IL17RC: variants seen among roughly 807,000 people sequenced by gnomAD.
The protein encoded by IL17RC is interleukin-17 receptor C.
IL17RC carries 53 observed loss-of-function variants against 86.7 expected under a neutral mutation model. The observed-to-expected ratio is 0.61, with a 90% CI of 0.49 to 0.77. IL17RC has a LOEUF of 0.77. IL17RC is among the 30% of genes least tolerant of loss of function. The pLI, the probability that IL17RC is intolerant of heterozygous loss-of-function variation, is 0.00. For synonymous variants in IL17RC, 439 were observed against 413.1 expected, an observed-to-expected ratio of 1.06 and a Z score of -0.76; for missense variants, 957 against 940.0, an observed-to-expected ratio of 1.02 and a Z score of -0.24.
intron 9 of IL17RC, among the ~76,000 whole-genome samples, chr3:9,927,008 C>T (rs148859140): frequency 6.6e-6 from 1 of 152,296 alleles, no homozygotes; most frequent in Non-Finnish European, 1.5e-5. Flanking sequence ...CCATAGGACA[C>T]AGCAGATGTT....
chr3:9,931,474 T>C (rs1476536763), intron 16 of IL17RC, among the ~76,000 whole-genome samples: 510 of 7,232 alleles, frequency 0.071, 1 homozygote, highest in Admixed American at 0.11. Context: ...CACACACATA[T>C]ATATATATAT....
At chr3:9,919,620 T>G (rs2083385467) in intron 5 of IL17RC, among the ~76,000 whole-genome samples, 1 of 152,112 alleles carries the variant, frequency 6.6e-6, no homozygotes, top group African/African-American at 2.4e-5. Flanking sequence ...CACTCCAGCC[T>G]GGGCGACAGA....
rs1250084850 is a variant in IL17RC at position 9,932,703 on chromosome 3, G to A, written c.1483G>A (p.Gly495Arg). The A allele has an allele frequency of 1.2e-6, 2 of 1,614,066 alleles. No homozygotes were observed. Among genetic ancestry groups the A allele is most frequent in the Non-Finnish European group, 1.7e-6 (2 of 1,180,012 alleles). The change falls in exon 17 of 19, where the codon GGG becomes AGG. Residue 495 changes from glycine to arginine, a missense_variant and splice_region_variant. Coordinates refer to ENST00000403601, the MANE Select transcript of IL17RC (RefSeq NM_153460.4). ...CCTTCTCAAAAAGGATCACGCGAAA[G>A]GTGAGCGCTTCCCGGCTCCCCATTC... ...ILLLKKDHAK[G>R]WLRLLKQDVR...
At chr3:9,931,093 G>A (rs2084611650) in intron 16 of IL17RC, 150 bp downstream of exon 16, 1 of 753,792 alleles carries the variant, frequency 1.3e-6, no homozygotes, top group African/African-American at 1.7e-5. Flanking sequence ...AAAAAATGAT[G>A]AGAGCTTGCA....
intron 3 of IL17RC, 32 bp downstream of exon 3, chr3:9,918,107 T>C (rs2125123064): frequency 5.2e-6 from 8 of 1,550,828 alleles, no homozygotes; most frequent in Non-Finnish European, 7.0e-6. Context: ...AGTGCATGTG[T>C]ACACGTGAGT....
At position 9,930,652 on chromosome 3, in the gene IL17RC, G is replaced by A; in HGVS notation, c.1338+193G>A. 2.9e-6 allele frequency: 2 copies of A among 685,358 alleles called. No individual in the cohort carries two copies. Among genetic ancestry groups the A allele is most frequent in the South Asian group, 3.8e-5 (2 of 53,298 alleles). 42.5% of individuals were successfully genotyped at this position (685,358 alleles called of 1,614,324 possible). A position where few individuals can be genotyped will look rare whatever the true frequency, so the allele number is the denominator to read the frequency against. On this transcript the variant is annotated intron_variant, in intron 15 of 18. Coordinates refer to ENST00000403601, the MANE Select transcript of IL17RC (RefSeq NM_153460.4). This position sits in a 1 kb window ranked among gnomAD's most constrained non-coding sequence, Gnocchi z 5.8. ...CATAAACAGATAACCACACCTACAGGTGCTAAGTTTTGGGTTCCAGGGAGA... is the reference window on the plus strand; with the variant it reads ...CATAAACAGATAACCACACCTACAGATGCTAAGTTTTGGGTTCCAGGGAGA...
In IL17RC at chr3:9,930,611, C is replaced by A; in HGVS notation, c.1338+152C>A. The A allele has an allele frequency of 1.3e-6, 1 of 790,490 alleles. No homozygotes were observed. Among genetic ancestry groups the A allele is most frequent in the South Asian group, 1.7e-5 (1 of 57,858 alleles). The allele number at this position is 790,490 out of a possible 1,614,324, so 49.0% of individuals were successfully genotyped here. On this transcript the variant is annotated intron_variant, in intron 15 of 18. Coordinates refer to ENST00000403601, the MANE Select transcript of IL17RC (RefSeq NM_153460.4). The surrounding 1 kb of genome is among the most constrained non-coding windows in gnomAD (Gnocchi z 5.8). The stretch of plus-strand genomic sequence containing the variant: ...ACAGTTCCTATCCCCAAGGAGCACA[C>A]TGTTGGCTAGACACCCATAAACAGA...
intron 17 of IL17RC, 49 bp downstream of exon 17, chr3:9,932,752 T>C: frequency 1.2e-6 from 2 of 1,606,396 alleles, no homozygotes; most frequent in Non-Finnish European, 1.7e-6. Flanking sequence ...CCAGAGTGGC[T>C]GTGGGAGTTC....
At chr3:9,921,246 A>G (rs2083520518) in intron 7 of IL17RC, among the ~76,000 whole-genome samples, 3 of 152,152 alleles carry the variant, frequency 2.0e-5, no homozygotes, top group Admixed American at 2.0e-4. Context: ...CTTGAGCTCA[A>G]AAGTTCAAGA....
At position 9,917,383 on chromosome 3, in the gene IL17RC, G is replaced by T; in HGVS notation, c.68G>T (p.Arg23Met). 1 of 1,614,198 alleles carries T rather than the reference G, an allele frequency of 6.2e-7. No homozygotes were observed. The highest frequency in any genetic ancestry group is 8.5e-7 in the Non-Finnish European group (1 of 1,180,016). ...GRSPVVLSLE[R>M]LVGPQDATHC... ...AGCCCAGTGGTCCTTTCTCTGGAGA[G>T]GCTTGTGGGGCCTCAGGACGCTACC... is the stretch of plus-strand genomic sequence containing the variant. Residue 23 changes from arginine (R) to methionine (M), a missense_variant, in exon 1 of 19, where the codon AGG becomes ATG. Physicochemically the swap from Arg to Met is moderately conservative, Grantham distance 91. Transcript: ENST00000403601.
At position 9,933,280 on chromosome 3, in the gene IL17RC, T is replaced by A; in HGVS notation, c.1850T>A (p.Leu617Gln). Reference protein sequence around the residue: ...DAFRASLSCVLPDFLQGRAPG... With the variant: ...DAFRASLSCVQPDFLQGRAPG... ...TTCCGCGCCTCGCTCAGCTGCGTGC[T>A]GCCCGACTTCTTGCAGGGCCGGGCG... is the stretch of plus-strand genomic sequence containing the variant. The change falls in exon 19 of 19, where the codon CTG (leucine) becomes CAG (glutamine). Residue 617 changes from leucine (L) to glutamine (Q), a missense_variant. Leu to Gln is a moderately radical substitution (Grantham distance 113). Coordinates refer to ENST00000403601, the MANE Select transcript of IL17RC (RefSeq NM_153460.4). 6.2e-7 allele frequency: 1 copy of A among 1,605,008 alleles called. No individual in the cohort carries two copies.
intron 5 of IL17RC, chr3:9,919,190 T>C (rs1411258614): frequency 1.3e-5 from 2 of 152,226 alleles, no homozygotes; most frequent in African/African-American, 4.8e-5. Context: ...TTTCTGCATA[T>C]GTAGTGGTTT....
rs1477880676 is a variant in IL17RC at position 9,920,928 on chromosome 3, G to A, written c.581G>A (p.Cys194Tyr). The change falls in exon 7 of 19, where the codon TGC becomes TAC. Residue 194 changes from cysteine (C) to tyrosine (Y), a missense_variant. Coordinates refer to ENST00000403601, the MANE Select transcript of IL17RC (RefSeq NM_153460.4). The part of the protein sequence containing the change: ...ELNHTQQLPD[C>Y]RGLEVWNSIP... ...CTCTTCTGTGATCTCTCCTCAGACT[G>A]CAGGGGGCTCGAAGTCTGGAACAGC... 6.2e-7 allele frequency: 1 copy of A among 1,608,758 alleles called. No homozygotes were observed. The highest frequency in any genetic ancestry group is 1.7e-4 in the Middle Eastern group (1 of 5,916).
rs1331708593 is a variant in IL17RC, at chr3:9,933,122, C to G, written c.1692C>G (p.His564Gln). Residue 564 changes from histidine to glutamine, a missense_variant, in exon 19 of 19, where the codon CAC (histidine) becomes CAG (glutamine). Transcript: ENST00000403601. ...CGCAGGGGCCCGTGGCTTGGTTTCA[C>G]GCGCAGCGGCGCCAGACCCTGCAGG... ...LSAQGPVAWF[H>Q]AQRRQTLQEG... The G allele has an allele frequency of 6.3e-7, 1 of 1,586,132 alleles. No homozygotes were observed.
chr3:9,919,577 T>C (rs955715169), intron 5 of IL17RC, among the ~76,000 whole-genome samples: 5 of 151,032 alleles, frequency 3.3e-5, no homozygotes, highest in Admixed American at 6.6e-5. Flanking sequence ...ACCCGGGAGG[T>C]GGAGCTTGCA....
rs1251219706 is a variant in IL17RC, at chr3:9,930,180, C to T, written c.1278+31C>T. 1.2e-6 allele frequency: 2 copies of T among 1,612,662 alleles called. No individual in the cohort carries two copies. ...GACTGGGCGACCCTCCTCCACAGAT[C>T]TCTCCAAATGCATCTCACATCTGGC... On this transcript the variant is annotated intron_variant, in intron 14 of 18. Coordinates refer to ENST00000403601, the MANE Select transcript of IL17RC (RefSeq NM_153460.4). The surrounding 1 kb of genome is among the most constrained non-coding windows in gnomAD (Gnocchi z 5.8).
intron 16 of IL17RC, among the ~76,000 whole-genome samples, chr3:9,931,576 G>T (rs112750435): frequency 1.3e-5 from 2 of 150,300 alleles, no homozygotes; most frequent in African/African-American, 4.9e-5. Flanking sequence ...GCGCGATCTC[G>T]GCTAACTGCA....
At chr3:9,921,580 T>C (rs1370760790) in intron 7 of IL17RC, among the ~76,000 whole-genome samples, 2 of 152,182 alleles carry the variant, frequency 1.3e-5, no homozygotes, top group East Asian at 3.8e-4. Flanking sequence ...TTTTTTATTG[T>C]GTATAACATA....
At chr3:9,927,060 C>T (rs2084152071) in intron 9 of IL17RC, among the ~76,000 whole-genome samples, 2 of 152,324 alleles carry the variant, frequency 1.3e-5, no homozygotes, top group South Asian at 4.1e-4. Flanking sequence ...CATTGCCAAA[C>T]ACAGTGCCTG....
Sources: gnomAD v4.1 joint callset for allele counts (sites outside exome capture counted in the v4.1 genomes callset) on GRCh38, gnomAD v4.1.1 for gene constraint, Gnocchi (gnomAD v3.1) non-coding constraint, MANE v1.5 for transcripts, NCBI Gene and HGNC (gene_info 2026-07-23, HGNC 2026-07-21) for gene names.